The following MAP4K3 variants were observed in gnomAD, a reference collection of about 807,000 sequenced individuals.
MAP4K3 encodes the protein MAPK/ERK kinase kinase kinase 3.
MAP4K3 carries 94 observed loss-of-function variants against 143.5 expected under a neutral mutation model. The observed-to-expected ratio is 0.65, with a 90% confidence interval of 0.55 to 0.78. The LOEUF is 0.78. MAP4K3 is among the 30% of genes least tolerant of loss of function. The pLI is 0.00. For missense variants in MAP4K3, 1,077 were observed against 1,068.1 expected, an observed-to-expected ratio of 1.01 and a Z score of -0.12; for synonymous variants, 416 against 347.2, an observed-to-expected ratio of 1.20 and a Z score of -2.20.
chr2:39,358,723 A>G (rs541248164), intron 2 of MAP4K3, among the ~76,000 whole-genome samples: 1 of 152,328 alleles, frequency 6.6e-6, no homozygotes, highest in South Asian at 2.1e-4. Context: ...GTAGAGTTTA[A>G]TACATTAATA....
chr2:39,379,919 A>C (rs1305704836), intron 1 of MAP4K3: 2 of 160,878 alleles, frequency 1.2e-5, no homozygotes, highest in Non-Finnish European at 2.9e-5. Context: ...TGCTGTACAC[A>C]ATGTACTCTT....
At chr2:39,378,888 T>C (rs1314194689) in intron 1 of MAP4K3, among the ~76,000 whole-genome samples, 2 of 151,382 alleles carry the variant, frequency 1.3e-5, no homozygotes, top group Non-Finnish European at 3.0e-5. Flanking sequence ...CATATAACAA[T>C]ATATATTATA....
At chr2:39,423,530 T>C (rs764707355) in intron 1 of MAP4K3, among the ~76,000 whole-genome samples, 32 of 152,206 alleles carry the variant, frequency 2.1e-4, no homozygotes, top group Admixed American at 3.9e-4. Context: ...TGTTCTTCAA[T>C]AGGTGAATGA....
chr2:39,395,338 C>T (rs983284968), intron 1 of MAP4K3, among the ~76,000 whole-genome samples: 34 of 151,966 alleles, frequency 2.2e-4, no homozygotes, highest in African/African-American at 8.0e-4. Flanking sequence ...TACACACACA[C>T]ACACACACAC....
intron 16 of MAP4K3, among the ~76,000 whole-genome samples, chr2:39,295,332 A>G (rs930935362): frequency 2.0e-5 from 3 of 151,826 alleles, no homozygotes; most frequent in Non-Finnish European, 2.9e-5. Flanking sequence ...ATTTATAACA[A>G]ATAATATTAT....
chr2:39,383,163 G>C (rs925987010), intron 1 of MAP4K3, among the ~76,000 whole-genome samples: 3 of 152,154 alleles, frequency 2.0e-5, no homozygotes, highest in Non-Finnish European at 4.4e-5. Context: ...TTCTCATGCT[G>C]CTTTAAGGAA....
chr2:39,404,120 G>A (rs538472468), intron 1 of MAP4K3, among the ~76,000 whole-genome samples: 6 of 151,992 alleles, frequency 3.9e-5, no homozygotes, highest in Non-Finnish European at 8.8e-5. Context: ...ACTCTGACAT[G>A]TGCTGGCTTC....
chr2:39,394,006 A>T (rs997020284), intron 1 of MAP4K3, among the ~76,000 whole-genome samples: 1 of 152,210 alleles, frequency 6.6e-6, no homozygotes. Context: ...ATAAAATTTC[A>T]AAGTAAATTA....
intron 1 of MAP4K3, among the ~76,000 whole-genome samples, chr2:39,421,842 C>T (rs540463863): frequency 5.9e-5 from 9 of 152,212 alleles, no homozygotes; most frequent in Admixed American, 4.6e-4. Flanking sequence ...CAGTGCCCTT[C>T]CACTTTATCC....
At chr2:39,308,404 C>T (rs1682795776) in intron 14 of MAP4K3, among the ~76,000 whole-genome samples, 1 of 152,170 alleles carries the variant, frequency 6.6e-6, no homozygotes, top group African/African-American at 2.4e-5. Context: ...TCCTATTCCT[C>T]CACACTGGTA....
chr2:39,430,714 G>A (rs575877113), intron 1 of MAP4K3, among the ~76,000 whole-genome samples: 22 of 152,100 alleles, frequency 1.4e-4, no homozygotes, highest in South Asian at 6.2e-4. Context: ...TCAAAATGAC[G>A]GAGTATCTTC....
chr2:39,417,769 G>C (rs1469108730), intron 1 of MAP4K3, among the ~76,000 whole-genome samples: 1 of 152,176 alleles, frequency 6.6e-6, no homozygotes, highest in African/African-American at 2.4e-5. Context: ...AACATACTCA[G>C]AGCCCAGATC....
chr2:39,391,303 G>A (rs1666648766), intron 1 of MAP4K3, among the ~76,000 whole-genome samples: 1 of 130,184 alleles, frequency 7.7e-6, no homozygotes, highest in African/African-American at 2.9e-5. Flanking sequence ...AGCTTGCAGT[G>A]AGCCGAGATT....
At position 39,258,907 on chromosome 2, in the gene MAP4K3, A is replaced by G. The variant is rs375128727; in HGVS notation, c.2309-320T>C. On this transcript the variant is annotated intron_variant, in intron 29 of 33. Transcript: ENST00000263881. ...GCAACTTTTCTTCTTTTAAAAACCAAATTTTCTATTAGTGGGAGATTTGTA... is the reference window on the plus strand; with the variant it reads ...GCAACTTTTCTTCTTTTAAAAACCAGATTTTCTATTAGTGGGAGATTTGTA... Among the ~76,000 whole-genome samples the G allele has an allele frequency of 3.9e-5, 6 of 152,158 alleles. No homozygotes were observed. In the East Asian group the frequency reaches 1.2e-3, roughly 29 times the overall value.
chr2:39,382,205 A>G (rs1371640585), intron 1 of MAP4K3, among the ~76,000 whole-genome samples: 1 of 152,218 alleles, frequency 6.6e-6, no homozygotes, highest in Non-Finnish European at 1.5e-5. Context: ...ATTCCTTGAG[A>G]GTGAACTGAG....
chr2:39,288,985 T>G (rs1681916236), intron 19 of MAP4K3, among the ~76,000 whole-genome samples: 1 of 152,054 alleles, frequency 6.6e-6, no homozygotes, highest in South Asian at 2.1e-4. Flanking sequence ...CCGGGAGGCG[T>G]AGCTTGCAGT....
At chr2:39,385,576 ATATATATATATATATATTC>A (rs1286871293) in intron 1 of MAP4K3, among the ~76,000 whole-genome samples, 5 of 134,484 alleles carry the variant, frequency 3.7e-5, no homozygotes, top group African/African-American at 1.5e-4. Context: ...ATATATATAT[ATATATATATATATATATTC>A]TATATATGAG....
At chr2:39,351,528 T>TCG (rs10669578) in intron 3 of MAP4K3, among the ~76,000 whole-genome samples, 1 of 151,890 alleles carries the variant, frequency 6.6e-6, no homozygotes, top group Non-Finnish European at 1.5e-5. Context: ...TTAGATATCT[T>TCG]TCTGTGGAAA....
intron 4 of MAP4K3, among the ~76,000 whole-genome samples, chr2:39,339,364 A>G (rs979964523): frequency 5.9e-5 from 9 of 152,258 alleles, no homozygotes; most frequent in African/African-American, 2.2e-4. Context: ...AACCCTGAAA[A>G]TAACACTTGG....
Sources: allele counts gnomAD v4.1 joint callset (sites outside exome capture counted in the v4.1 genomes callset), GRCh38; gene constraint gnomAD v4.1.1; transcripts MANE v1.5; gene names NCBI Gene and HGNC (gene_info 2026-07-23, HGNC 2026-07-21).